MAP7: variants seen among roughly 807,000 people sequenced by gnomAD.
MAP7 encodes microtubule associated protein 7.
A neutral mutation model predicts 94.8 loss-of-function variants in MAP7; 52 were observed. The ratio of observed to expected loss-of-function variants is 0.55; its 90% confidence interval spans 0.44 to 0.69. The LOEUF (loss-of-function observed/expected upper bound fraction) is 0.69, where lower values mean the gene tolerates loss of function less well. Among genes scored for constraint, MAP7 ranks in the 30% least tolerant of loss-of-function variants. The pLI is 0.00. For synonymous variants in MAP7, 350 were observed against 357.0 expected (o/e 0.98, Z 0.22); for missense variants, 940 against 964.6 (o/e 0.97, Z 0.34).
intron 1 of MAP7, chr6:136,525,978 G>GTT (rs5880298): frequency 4.9e-4 from 596 of 1,223,846 alleles, no homozygotes; most frequent in African/African-American, 2.0e-3. Context: ...GCTGCTACTT[G>GTT]TTTTTTTTTT....
Position 136,361,070 on chromosome 6 carries a change from G to GCTGCTC in MAP7, c.1630_1635dup (p.Glu544_Gln545dup). The GCTGCTC allele has an allele frequency of 6.2e-7, 1 of 1,601,166 alleles. No individual in the cohort carries two copies. The highest frequency in any genetic ancestry group is 8.5e-7 in the Non-Finnish European group (1 of 1,178,538). ...GCCCGCTCCTCCGCCTGCCGCTGCA[G>GCTGCTC]CTGCTCCTCCTTCTCCCGGGCCTGC... On this transcript the variant is annotated inframe_insertion, in exon 12 of 18. Coordinates refer to ENST00000354570, the MANE Select transcript of MAP7 (RefSeq NM_003980.6).
At chr6:136,444,756 T>C (rs1798832717) in intron 1 of MAP7, among the ~76,000 whole-genome samples, 1 of 152,226 alleles carries the variant, frequency 6.6e-6, no homozygotes. Flanking sequence ...TATCTAATTA[T>C]TGTCAGAAAC....
intron 3 of MAP7, among the ~76,000 whole-genome samples, chr6:136,391,555 A>ACAACAACAAC (rs1554241526): frequency 2.7e-5 from 4 of 149,642 alleles, no homozygotes; most frequent in African/African-American, 9.8e-5. Context: ...GTATAATAAA[A>ACAACAACAAC]AACAACAACA....
Position 136,429,762 on chromosome 6 carries a change from A to AT in MAP7, c.68-7964dup, listed in dbSNP as rs548326017. ...TTTAAATTCAACCAAAAAGGCTTTTATCTAAAAAATAAGTAAATAAGTAAA... is the reference window on the plus strand; with the variant it reads ...TTTAAATTCAACCAAAAAGGCTTTTATTCTAAAAAATAAGTAAATAAGTAAA... On this transcript the variant is annotated intron_variant, in intron 1 of 17. Coordinates refer to ENST00000354570, the MANE Select transcript of MAP7 (RefSeq NM_003980.6). Among the ~76,000 whole-genome samples the AT allele has an allele frequency of 1.0e-3, 159 of 152,362 alleles. 1 individual carries two copies. The highest frequency in any genetic ancestry group is 6.8e-3 in the Middle Eastern group (2 of 294).
At position 136,366,507 on chromosome 6, in the gene MAP7, CA is replaced by C. The variant is rs1162161122; in HGVS notation, c.877-69del. On this transcript the variant is annotated intron_variant, in intron 8 of 17. Transcript: ENST00000354570. Reference sequence around the variant, plus strand: ...AGGCAAACACACTCACAATACTCAACAGTGGAGCTAGAAACCATTGAATGAC... The same window carrying C: ...AGGCAAACACACTCACAATACTCAACGTGGAGCTAGAAACCATTGAATGAC... The C allele has an allele frequency of 2.1e-5, 22 of 1,051,128 alleles. No homozygotes were observed. In the African/African-American group the frequency reaches 3.3e-4, roughly 16 times the overall value. The allele number at this position is 1,051,128 out of a possible 1,614,324, so 65.1% of individuals were successfully genotyped here.
intron 1 of MAP7, among the ~76,000 whole-genome samples, chr6:136,523,474 A>G (rs1366224753): frequency 6.6e-6 from 1 of 152,280 alleles, no homozygotes; most frequent in Non-Finnish European, 1.5e-5. Context: ...GTGCATATAC[A>G]GAACATTTCC....
At chr6:136,363,850 A>C (rs555119847) in intron 10 of MAP7, among the ~76,000 whole-genome samples, 1 of 152,338 alleles carries the variant, frequency 6.6e-6, no homozygotes, top group Non-Finnish European at 1.5e-5. Flanking sequence ...TCTATCTGGC[A>C]ACCATGTTTA....
chr6:136,391,652 T>C, intron 3 of MAP7, among the ~76,000 whole-genome samples: 1 of 109,182 alleles, frequency 9.2e-6, no homozygotes, highest in Non-Finnish European at 1.9e-5. Flanking sequence ...TCTCAAAAAA[T>C]AAAAAATAAA....
chr6:136,457,167 T>G (rs1398331939), intron 1 of MAP7, among the ~76,000 whole-genome samples: 4 of 150,710 alleles, frequency 2.7e-5, no homozygotes, highest in African/African-American at 9.7e-5. Context: ...TATGAACAAT[T>G]AAACAATTAT....
At position 136,389,339 on chromosome 6, in the gene MAP7, CG is replaced by C. The variant is rs762840521; in HGVS notation, c.408+14del. The C allele has an allele frequency of 1.3e-5, 20 of 1,519,280 alleles. No homozygotes were observed. Among genetic ancestry groups the C allele is most frequent in the African/African-American group, 2.8e-5 (2 of 70,778 alleles). The allele number at this position is 1,519,280 out of a possible 1,614,324, so 94.1% of individuals were successfully genotyped here. Reference sequence around the variant, plus strand: ...CTAGAGGAGCCACTCATATTCTTCCCGGGGGGCGGCTCACTTTGTCCTCCTC... The same window carrying C: ...CTAGAGGAGCCACTCATATTCTTCCCGGGGGCGGCTCACTTTGTCCTCCTC... On this transcript the variant is annotated intron_variant, in intron 4 of 17. Coordinates refer to ENST00000354570, the MANE Select transcript of MAP7 (RefSeq NM_003980.6).
At position 136,379,994 on chromosome 6, in the gene MAP7, T is replaced by C. The variant is rs1183127979; in HGVS notation, c.638-2126A>G. Reference sequence around the variant, plus strand: ...GGTTAATAAAGGAGAATTGGTGCATTGTTGTTGTTGTTGTTTTTTGTTTTG... The same window carrying C: ...GGTTAATAAAGGAGAATTGGTGCATCGTTGTTGTTGTTGTTTTTTGTTTTG... On this transcript the variant is annotated intron_variant, in intron 6 of 17. Coordinates refer to ENST00000354570, the MANE Select transcript of MAP7 (RefSeq NM_003980.6). Among the ~76,000 whole-genome samples, 4 of 152,140 alleles carry C rather than the reference T, an allele frequency of 2.6e-5. No homozygotes were observed. The East Asian group carries it at 7.7e-4, about 29-fold the overall frequency.
intron 16 of MAP7, among the ~76,000 whole-genome samples, chr6:136,354,262 A>C (rs1258305822): frequency 6.9e-6 from 1 of 145,186 alleles, no homozygotes; most frequent in Non-Finnish European, 1.5e-5. Flanking sequence ...ATTTCCTTTA[A>C]AGGAAATATA....
Position 136,410,260 on chromosome 6 carries a change from G to C in MAP7, c.244+1360C>G, listed in dbSNP as rs115847369. ...GAGATCTACAAGTGTGAGACCTGATGGGGAAGAGGGGGAAAAGGACATACG... is the reference window on the plus strand; with the variant it reads ...GAGATCTACAAGTGTGAGACCTGATCGGGAAGAGGGGGAAAAGGACATACG... On this transcript the variant is annotated intron_variant, in intron 3 of 17. Coordinates refer to ENST00000354570, the MANE Select transcript of MAP7 (RefSeq NM_003980.6). Among the ~76,000 whole-genome samples the C allele has an allele frequency of 6.4e-3, 977 of 152,292 alleles. 8 individuals carry two copies. The highest frequency in any genetic ancestry group is 0.022 in the African/African-American group (935 of 41,572).
At chr6:136,420,202 T>C in intron 2 of MAP7, 2 of 1,024,080 alleles carry the variant, frequency 2.0e-6, no homozygotes, top group Non-Finnish European at 3.1e-6. Flanking sequence ...CTGGATCTTG[T>C]GTTCAGGCAT....
At chr6:136,484,313 A>T (rs534679551) in intron 1 of MAP7, among the ~76,000 whole-genome samples, 32 of 152,252 alleles carry the variant, frequency 2.1e-4, no homozygotes, top group African/African-American at 7.5e-4. Context: ...TTAAATAGTA[A>T]AGTATAGTAA....
At chr6:136,351,754 C>T (rs1197902385) in intron 16 of MAP7, among the ~76,000 whole-genome samples, 1 of 152,218 alleles carries the variant, frequency 6.6e-6, no homozygotes, top group Non-Finnish European at 1.5e-5. Flanking sequence ...ATTCACCCAT[C>T]ATTCCTGTTC....
chr6:136,541,760 A>T (rs1829340423), intron 1 of MAP7, among the ~76,000 whole-genome samples: 2 of 152,164 alleles, frequency 1.3e-5, no homozygotes. Flanking sequence ...TACTCTTCAA[A>T]TCAAAATTCA....
intron 1 of MAP7, among the ~76,000 whole-genome samples, chr6:136,502,865 AAATAAGGCAGCCATAC>A (rs1729484545): frequency 6.6e-6 from 1 of 152,104 alleles, no homozygotes; most frequent in African/African-American, 2.4e-5. Flanking sequence ...TTTTCCAGGA[AAATAAGGCAGCCATAC>A]AATGCATCAT....
chr6:136,434,306 CAAAA>C (rs59002856), intron 1 of MAP7, among the ~76,000 whole-genome samples: 4 of 59,704 alleles, frequency 6.7e-5, no homozygotes, highest in Admixed American at 1.7e-4. Context: ...GACTCCGTCT[CAAAA>C]AAAAAAAAAA....
Sources: allele counts gnomAD v4.1 joint callset (sites outside exome capture counted in the v4.1 genomes callset), GRCh38; gene constraint gnomAD v4.1.1; transcripts MANE v1.5; gene names NCBI Gene and HGNC (gene_info 2026-07-23, HGNC 2026-07-21).